The following MMS19 variants were observed in gnomAD, a reference collection of about 807,000 sequenced individuals.
The protein encoded by MMS19 is MMS19 nucleotide excision repair protein homolog.
Under a neutral mutation model 129.8 loss-of-function variants are expected in MMS19, and 77 were observed. The ratio of observed to expected loss-of-function variants is 0.59; its 90% CI spans 0.49 to 0.72. The LOEUF is 0.72. Among genes scored for constraint, MMS19 ranks in the 30% least tolerant of loss-of-function variants. MMS19 has a pLI of 0.00. For missense variants in MMS19, 1,168 were observed against 1,266.3 expected (o/e 0.92, Z 1.18); for synonymous variants, 491 against 502.8 (o/e 0.98, Z 0.31).
intron 9 of MMS19, among the ~76,000 whole-genome samples, chr10:97,470,549 G>A (rs185334125): frequency 1.3e-5 from 2 of 152,254 alleles, no homozygotes; most frequent in East Asian, 1.9e-4. Context: ...GACTCCTCCT[G>A]AGTAGCTGGA....
At chr10:97,487,009 CA>C (rs887008146) in intron 1 of MMS19, among the ~76,000 whole-genome samples, 149 of 148,210 alleles carry the variant, frequency 1.0e-3, no homozygotes, top group African/African-American at 3.5e-3. Flanking sequence ...ACACTTTCAA[CA>C]AAAAAAAGAA....
At chr10:97,486,862 C>CACATATATATATATAT (rs1491353044) in intron 1 of MMS19, among the ~76,000 whole-genome samples, 3 of 85,080 alleles carry the variant, frequency 3.5e-5, no homozygotes, top group East Asian at 2.5e-4. Flanking sequence ...ATTAAAGTGC[C>CACATATATATATATAT]ATATATATAT....
chr10:97,464,749 G>A (rs1375407008), intron 18 of MMS19, among the ~76,000 whole-genome samples: 1 of 151,154 alleles, frequency 6.6e-6, no homozygotes, highest in African/African-American at 2.4e-5. Context: ...TCAGGCTGGA[G>A]TGCAATGGAG....
chr10:97,480,194 C>A (rs1043517072), intron 3 of MMS19: 3 of 446,390 alleles, frequency 6.7e-6, no homozygotes, highest in Non-Finnish European at 9.0e-6. Context: ...ATCCCCCGAG[C>A]CCTATGCAAA....
At chr10:97,490,909 A>G (rs1163355416) in intron 1 of MMS19, among the ~76,000 whole-genome samples, 1 of 152,230 alleles carries the variant, frequency 6.6e-6, no homozygotes, top group Non-Finnish European at 1.5e-5. Context: ...AAAAATGAGC[A>G]GACTGTAAGG....
At position 97,497,032 on chromosome 10, in the gene MMS19, C is replaced by CAGTGTAAGTACAA; in HGVS notation, c.112+1240_112+1241insTTGTACTTACACT. ...AAAATGACATTGGTAAGACACTGTA[C>CAGTGTAAGTACAA]TTGTAAATTGTAAACACTGATAACA... On this transcript the variant is annotated intron_variant, in intron 1 of 30. Coordinates refer to ENST00000438925, the MANE Select transcript of MMS19 (RefSeq NM_022362.5). 2.6e-5 allele frequency among the ~76,000 whole-genome samples: 4 copies of CAGTGTAAGTACAA among 152,286 alleles called. No individual in the cohort carries two copies. The South Asian group carries it at 8.3e-4, about 32-fold the overall frequency.
chr10:97,459,239 C>A lies in MMS19; in HGVS notation c.2948G>T (p.Arg983Leu). ...AALQCMHALT[R>L]LPTPVLLPYK... ...GGTACTTACCACAGGGGTGGGCAGG[C>A]GAGTGAGAGCATGCATGCACTGCAG... The change falls in exon 29 of 31, where the codon CGC becomes CTC. Residue 983 changes from arginine (R) to leucine (L), a missense_variant. Coordinates refer to ENST00000438925, the MANE Select transcript of MMS19 (RefSeq NM_022362.5). 1.9e-6 allele frequency: 3 copies of A among 1,612,240 alleles called. No homozygotes were observed. Among genetic ancestry groups the A allele is most frequent in the Non-Finnish European group, 2.5e-6 (3 of 1,179,240 alleles).
chr10:97,469,302 T>C (rs1167043579), intron 11 of MMS19, among the ~76,000 whole-genome samples, 198 bp from the exon 12 acceptor site: 2 of 152,196 alleles, frequency 1.3e-5, no homozygotes, highest in Non-Finnish European at 2.9e-5. Context: ...CAGAGACACA[T>C]ACTTTCTGAG....
intron 4 of MMS19, 74 bp downstream of exon 4, chr10:97,478,230 C>A: frequency 1.6e-6 from 2 of 1,226,768 alleles, no homozygotes; most frequent in Admixed American, 2.0e-5. Context: ...AACCATCACA[C>A]CCAAAGCGCA....
rs1336851914 is a variant in MMS19, at chr10:97,462,603, A to G, written c.1992T>C (p.Ala664=). 8 of 1,613,704 alleles carry G rather than the reference A, an allele frequency of 5.0e-6. No homozygotes were observed. The highest frequency in any genetic ancestry group is 1.7e-5 in the Admixed American group (1 of 60,002). ...LAAMVSVIGT[A]TTHLSPELAA... is the part of the protein sequence containing the mutation. ...CTTACTCAGGGCTCAGGTGGGTTGT[A>G]GCAGTGCCAATGACAGACACCATGG... is the stretch of plus-strand genomic sequence containing the variant. Residue 664 remains alanine (A), a synonymous_variant, in exon 20 of 31, where the codon GCT becomes GCC. Coordinates refer to ENST00000438925, the MANE Select transcript of MMS19 (RefSeq NM_022362.5).
In MMS19 at chr10:97,459,490, C is replaced by A; in HGVS notation, c.2776G>T (p.Asp926Tyr). Reference protein sequence around the residue: ...SLLLEALSCPDCVVQLSTLSC... With the variant: ...SLLLEALSCPYCVVQLSTLSC... ...AGGGTGGAGAGCTGCACCACACAGT[C>A]AGGGCAGGACAGGGCCTCCAGCAGC... Residue 926 changes from aspartate to tyrosine, a missense_variant, in exon 28 of 31, where the codon GAC (aspartate) becomes TAC (tyrosine). By Grantham distance (160) the Asp-to-Tyr change is radical. Around this residue, in one of 3 missense-constraint regions of MMS19, gnomAD observed 831 missense variants for 910.8 expected, o/e 0.91. Coordinates refer to ENST00000438925, the MANE Select transcript of MMS19 (RefSeq NM_022362.5). 1 of 1,613,194 alleles carries A rather than the reference C, an allele frequency of 6.2e-7. No individual in the cohort carries two copies. The highest frequency in any genetic ancestry group is 1.1e-5 in the South Asian group (1 of 90,858).
At chr10:97,481,998 G>A (rs1322607858) in intron 2 of MMS19, among the ~76,000 whole-genome samples, 1 of 152,082 alleles carries the variant, frequency 6.6e-6, no homozygotes, top group Non-Finnish European at 1.5e-5. Flanking sequence ...AACATAGTGG[G>A]ACCCTGTCTC....
chr10:97,469,531 A>T, intron 11 of MMS19, 115 bp downstream of exon 11: 1 of 794,710 alleles, frequency 1.3e-6, no homozygotes, highest in Non-Finnish European at 2.1e-6. Flanking sequence ...CTGAATAACC[A>T]GGCATTATAT....
intron 8 of MMS19, 140 bp from the exon 9 acceptor site, chr10:97,471,001 GAAGA>G: frequency 1.9e-6 from 1 of 529,408 alleles, no homozygotes; most frequent in Non-Finnish European, 3.2e-6. Context: ...GCCCCAGCAA[GAAGA>G]CTTGCTTGAT....
At chr10:97,471,466 T>A (rs930168916) in intron 8 of MMS19, among the ~76,000 whole-genome samples, 1 of 152,152 alleles carries the variant, frequency 6.6e-6, no homozygotes, top group Non-Finnish European at 1.5e-5. Flanking sequence ...TTTTCCTCTT[T>A]GCAAACTCCA....
Position 97,466,171 on chromosome 10 carries a change from G to C in MMS19, c.1506-12C>G. Reference sequence around the variant, plus strand: ...GTGCTGCCACCCTGCTGGAGGCGCAGAGCAGATAAGCATTGGCTGAGCCTG... The same window carrying C: ...GTGCTGCCACCCTGCTGGAGGCGCACAGCAGATAAGCATTGGCTGAGCCTG... On this transcript the variant is annotated splice_polypyrimidine_tract_variant and intron_variant, in intron 16 of 30. Transcript: ENST00000438925. 1.3e-6 allele frequency: 2 copies of C among 1,554,460 alleles called. No homozygotes were observed. Among genetic ancestry groups the C allele is most frequent in the East Asian group, 2.4e-5 (1 of 41,126 alleles).
At chr10:97,469,805 G>T in intron 10 of MMS19, 82 bp from the exon 11 acceptor site, 6 of 1,188,094 alleles carry the variant, frequency 5.1e-6, no homozygotes, top group Non-Finnish European at 7.5e-6. Context: ...AATGGCACCT[G>T]AAGGAGCCCT....
rs29001277 is a variant in MMS19 at position 97,481,081 on chromosome 10, A to T, written c.162-39T>A. The T allele has an allele frequency of 0.011, 12,751 of 1,212,910 alleles. 101 individuals carry two copies. Among genetic ancestry groups the T allele is most frequent in the Non-Finnish European group, 0.013 (10,490 of 834,238 alleles). 75.1% of individuals were successfully genotyped at this position (1,212,910 alleles called of 1,614,324 possible). A position where few individuals can be genotyped will look rare whatever the true frequency, so the allele number is the denominator to read the frequency against. ...GGATAGAGAGAACCTGCAATTACCC[A>T]GTTCAAATGTTTGAAGAAATAAACA... On this transcript the variant is annotated intron_variant, in intron 2 of 30. Coordinates refer to ENST00000438925, the MANE Select transcript of MMS19 (RefSeq NM_022362.5).
intron 1 of MMS19, among the ~76,000 whole-genome samples, chr10:97,486,861 CCATATA>C (rs1564694747): frequency 6.4e-5 from 1 of 15,596 alleles, no homozygotes; most frequent in African/African-American, 1.4e-4. Context: ...AATTAAAGTG[CCATATA>C]TATATATATA....
Sources: allele counts gnomAD v4.1 joint callset (sites outside exome capture counted in the v4.1 genomes callset), GRCh38; gene constraint gnomAD v4.1.1; regional missense constraint gnomAD v4.1.1; transcripts MANE v1.5; gene names NCBI Gene and HGNC (gene_info 2026-07-23, HGNC 2026-07-21).